Variants in RBL1 observed in about 807,000 individuals in gnomAD.
The protein encoded by RBL1 is retinoblastoma-like protein 1.
Under a neutral mutation model 123.0 loss-of-function variants are expected in RBL1, and 82 were observed. The ratio of observed to expected loss-of-function variants is 0.67; its 90% CI spans 0.56 to 0.80. RBL1 has a LOEUF of 0.80. RBL1 is among the 30% of genes least tolerant of loss of function. The probability of loss-of-function intolerance (pLI) is 0.00; values close to 1 mark genes in which losing one functional copy is unlikely to be tolerated. For missense variants in RBL1, 1,171 were observed against 1,299.6 expected (o/e 0.90, Z 1.52); for synonymous variants, 405 against 441.3 (o/e 0.92, Z 1.03).
Position 36,998,626 on chromosome 20 carries a change from A to G in RBL1, c.*133T>C. On this transcript the variant is annotated 3_prime_UTR_variant, in exon 22 of 22. Transcript: ENST00000373664. ...TTTGGATAAATATTTTAAAAAGCAC[A>G]TAATTTTTGTGCAATTTTTTCTTAT... 5 of 751,666 alleles carry G rather than the reference A, an allele frequency of 6.7e-6. No homozygotes were observed. Among genetic ancestry groups the G allele is most frequent in the South Asian group, 2.2e-5 (1 of 45,730 alleles). 46.6% of individuals were successfully genotyped at this position (751,666 alleles called of 1,614,324 possible).
chr20:36,999,432 C>G (rs1015185575), intron 21 of RBL1, among the ~76,000 whole-genome samples: 1 of 144,744 alleles, frequency 6.9e-6, no homozygotes, highest in Non-Finnish European at 1.5e-5. Flanking sequence ...CCGTCTCCCT[C>G]CTCTCCCTCT....
chr20:37,083,504 A>C (rs1026353650), intron 2 of RBL1, among the ~76,000 whole-genome samples: 1 of 150,256 alleles, frequency 6.7e-6, no homozygotes, highest in Non-Finnish European at 1.5e-5. Context: ...AGATAAAAAC[A>C]GGCTGGGCGC....
At chr20:37,004,069 TC>T (rs2064031186) in intron 20 of RBL1, among the ~76,000 whole-genome samples, 1 of 151,114 alleles carries the variant, frequency 6.6e-6, no homozygotes, top group South Asian at 2.1e-4. Context: ...TTTTCCTGAA[TC>T]TTTTTTTTTT....
At chr20:37,052,902 A>G (rs1256054430) in intron 11 of RBL1, among the ~76,000 whole-genome samples, 1 of 152,154 alleles carries the variant, frequency 6.6e-6, no homozygotes, top group African/African-American at 2.4e-5. Flanking sequence ...TCAGTCTCCC[A>G]AAGTGCTGGG....
chr20:37,038,744 A>AG (rs2064672689), intron 14 of RBL1, among the ~76,000 whole-genome samples: 1 of 151,440 alleles, frequency 6.6e-6, no homozygotes. Context: ...CTGGGATTAC[A>AG]GGCACCCGCC....
intron 2 of RBL1, among the ~76,000 whole-genome samples, chr20:37,088,349 G>A (rs1488278822): frequency 3.3e-5 from 5 of 151,842 alleles, no homozygotes; most frequent in Non-Finnish European, 7.4e-5. Context: ...GGGATAAAAT[G>A]TCAATAACAG....
Position 37,068,106 on chromosome 20 carries a change from C to A in RBL1, c.371G>T (p.Arg124Met). The change falls in exon 3 of 22, where the codon AGG becomes ATG. Residue 124 changes from arginine to methionine, a missense_variant. Physicochemically the swap from Arg to Met is moderately conservative, Grantham distance 91. Coordinates refer to ENST00000373664, the MANE Select transcript of RBL1 (RefSeq NM_002895.5). ...LPQEFRERIE[R>M]LERNFEVSTV... ...AGACACCTCAAAATTTCTCTCTAGC[C>A]TTTCTATACGTTCACGAAATTCTTG... is the stretch of plus-strand genomic sequence containing the variant. The A allele has an allele frequency of 6.2e-7, 1 of 1,613,278 alleles. No individual in the cohort carries two copies. Among genetic ancestry groups the A allele is most frequent in the Non-Finnish European group, 8.5e-7 (1 of 1,179,818 alleles).
chr20:37,042,903 CCT>C lies in RBL1; in HGVS notation c.1770+1181_1770+1182del, dbSNP rs1491034117. 7.9e-4 allele frequency among the ~76,000 whole-genome samples: 90 copies of C among 114,628 alleles called. 2 individuals carry two copies. The highest frequency in any genetic ancestry group is 2.1e-3 in the African/African-American group (64 of 30,274). The allele number at this position is 114,628 out of a possible 152,430, so 75.2% of individuals were successfully genotyped here. ...GACAGAGTGAGATCTTGTCCCCCCC[CCT>C]CCAAAAAAAAAAAAAAAAAAGTCAA... On this transcript the variant is annotated intron_variant, in intron 13 of 21. Transcript: ENST00000373664.
intron 12 of RBL1, 58 bp downstream of exon 12, chr20:37,046,995 A>C (rs2064827099): frequency 1.3e-6 from 2 of 1,514,928 alleles, no homozygotes; most frequent in African/African-American, 2.8e-5. Flanking sequence ...AGATAAATAC[A>C]ATGTTTCTGT....
intron 2 of RBL1, among the ~76,000 whole-genome samples, chr20:37,087,105 G>A (rs1476738080): frequency 6.6e-6 from 1 of 152,218 alleles, no homozygotes; most frequent in Admixed American, 6.5e-5. Context: ...GGGAGGCTGA[G>A]GCAGGCGGAT....
At chr20:37,033,940 T>A (rs1244312453) in intron 15 of RBL1, among the ~76,000 whole-genome samples, 1 of 145,184 alleles carries the variant, frequency 6.9e-6, no homozygotes, top group African/African-American at 2.5e-5. Context: ...CTTTTTTTTT[T>A]CTTTTTCTTT....
At chr20:37,066,173 A>G (rs1468996195) in intron 6 of RBL1, among the ~76,000 whole-genome samples, 1 of 152,224 alleles carries the variant, frequency 6.6e-6, no homozygotes, top group African/African-American at 2.4e-5. Context: ...TTGGGGAAAT[A>G]AGAAATTGAA....
At chr20:37,001,620 C>T (rs2063982052) in intron 21 of RBL1, among the ~76,000 whole-genome samples, 1 of 150,766 alleles carries the variant, frequency 6.6e-6, no homozygotes, top group South Asian at 2.1e-4. Context: ...GACACAAACA[C>T]TGCGGAAGGC....
Position 37,042,856 on chromosome 20 carries a change from G to A in RBL1, c.1770+1230C>T, listed in dbSNP as rs892501886. The stretch of plus-strand genomic sequence containing the variant: ...TGAGGCTGCAGTGAGCCGTGATGGC[G>A]CCACTGCACTCCAGCCTGGGTGACA... On this transcript the variant is annotated intron_variant, in intron 13 of 21. Transcript: ENST00000373664. Among the ~76,000 whole-genome samples, 14 of 134,764 alleles carry A rather than the reference G, an allele frequency of 1.0e-4. No individual in the cohort carries two copies. The East Asian group carries it at 2.6e-3, about 25-fold the overall frequency. The allele number at this position is 134,764 out of a possible 152,430, so 88.4% of individuals were successfully genotyped here. A position where few individuals can be genotyped will look rare whatever the true frequency, so the allele number is the denominator to read the frequency against.
chr20:37,031,370 A>T (rs925935359), intron 16 of RBL1, among the ~76,000 whole-genome samples: 41 of 152,286 alleles, frequency 2.7e-4, no homozygotes, highest in Non-Finnish European at 5.0e-4. Context: ...ACTCATAATT[A>T]AAAAAATGGG....
chr20:37,044,234 A>T lies in RBL1; in HGVS notation c.1622T>A (p.Ile541Asn). 1 of 1,613,770 alleles carries T rather than the reference A, an allele frequency of 6.2e-7. No homozygotes were observed. Among genetic ancestry groups the T allele is most frequent in the Non-Finnish European group, 8.5e-7 (1 of 1,179,916 alleles). Residue 541 changes from isoleucine (I) to asparagine (N), a missense_variant, in exon 13 of 22, where the codon ATC becomes AAC. By Grantham distance (149) the Ile-to-Asn change is moderately radical. Coordinates refer to ENST00000373664, the MANE Select transcript of RBL1 (RefSeq NM_002895.5). ...CCTTGAGAGCCCCTCTTCTGAGCGG[A>T]TCACCACCTCAATAACCTGCAGAGG... ...FYFYKVIEVV[I>N]RSEEGLSRDM...
intron 19 of RBL1, among the ~76,000 whole-genome samples, chr20:37,015,164 G>A (rs2146216073): frequency 6.6e-6 from 1 of 151,252 alleles, no homozygotes; most frequent in South Asian, 2.1e-4. Context: ...AGTCACCCAA[G>A]TTTCTTTGGC....
At chr20:37,046,609 C>CTTTT (rs565859682) in intron 12 of RBL1, among the ~76,000 whole-genome samples, 1 of 140,224 alleles carries the variant, frequency 7.1e-6, no homozygotes, top group African/African-American at 2.6e-5. Flanking sequence ...TATATATTAT[C>CTTTT]TTTTTTTTTT....
intron 3 of RBL1, 101 bp downstream of exon 3, chr20:37,067,885 T>C: frequency 7.5e-7 from 1 of 1,329,490 alleles, no homozygotes. Context: ...ATTAAGTTCT[T>C]TGCAGGAATA....
Sources: allele counts gnomAD v4.1 joint callset (sites outside exome capture counted in the v4.1 genomes callset), GRCh38; gene constraint gnomAD v4.1.1; transcripts MANE v1.5; gene names NCBI Gene and HGNC (gene_info 2026-07-23, HGNC 2026-07-21).